Variants in FIGN observed in about 807,000 individuals in gnomAD.
FIGN encodes fidgetin, microtubule severing factor, also known as fidgetin.
A neutral mutation model predicts 51.3 loss-of-function variants in FIGN; 11 were observed. The ratio of observed to expected loss-of-function variants is 0.21; its 90% CI spans 0.13 to 0.35. The LOEUF (loss-of-function observed/expected upper bound fraction) is 0.35. Among genes scored for constraint, FIGN ranks in the 10% least tolerant of loss-of-function variants. The pLI is 1.00. For synonymous variants in FIGN, 407 were observed against 363.2 expected, an observed-to-expected ratio of 1.12 and a Z score of -1.37; for missense variants, 857 against 943.6, an observed-to-expected ratio of 0.91 and a Z score of 1.20.
At chr2:163,670,765 A>C (rs748977310) in intron 2 of FIGN, among the ~76,000 whole-genome samples, 6 of 152,206 alleles carry the variant, frequency 3.9e-5, no homozygotes, top group Admixed American at 6.5e-5. Flanking sequence ...TAATGAATGA[A>C]GTATTCTCAG....
intron 2 of FIGN, among the ~76,000 whole-genome samples, chr2:163,617,652 G>T (rs958021595): frequency 6.6e-6 from 1 of 152,094 alleles, no homozygotes; most frequent in African/African-American, 2.4e-5. Flanking sequence ...CATAAAGAAG[G>T]TTCAAGAATT....
chr2:163,658,180 A>G (rs927834733), intron 2 of FIGN, among the ~76,000 whole-genome samples: 1 of 152,142 alleles, frequency 6.6e-6, no homozygotes, highest in African/African-American at 2.4e-5. Flanking sequence ...TAGGCAAGTT[A>G]TTCTTCAAAA....
At chr2:163,719,899 A>G (rs1445483545) in intron 2 of FIGN, among the ~76,000 whole-genome samples, 1 of 152,172 alleles carries the variant, frequency 6.6e-6, no homozygotes, top group Non-Finnish European at 1.5e-5. Context: ...TTTAGCCTCT[A>G]TATGTTTTTA....
intron 2 of FIGN, among the ~76,000 whole-genome samples, chr2:163,648,082 T>C (rs974526029): frequency 6.6e-6 from 1 of 151,988 alleles, no homozygotes; most frequent in East Asian, 1.9e-4. Context: ...CTTAAATGAT[T>C]TGCAAGGTCA....
rs571522861 is a variant in FIGN at position 163,646,264 on chromosome 2, A to C, written c.26-34458T>G. Among the ~76,000 whole-genome samples, 4 of 152,246 alleles carry C rather than the reference A, an allele frequency of 2.6e-5. No individual in the cohort carries two copies. The East Asian group carries it at 7.7e-4, about 29-fold the overall frequency. On this transcript the variant is annotated intron_variant, in intron 2 of 2. Coordinates refer to ENST00000333129, the MANE Select transcript of FIGN (RefSeq NM_018086.4). ...CTATTGCATCCCTTTTTTTTTGTTAACTAAAAGTAAATTTACAAATTTACT... is the reference window on the plus strand; with the variant it reads ...CTATTGCATCCCTTTTTTTTTGTTACCTAAAAGTAAATTTACAAATTTACT...
At chr2:163,624,865 A>C (rs1213091247) in intron 2 of FIGN, among the ~76,000 whole-genome samples, 1 of 151,938 alleles carries the variant, frequency 6.6e-6, no homozygotes, top group African/African-American at 2.4e-5. Context: ...CTTAACAGCC[A>C]ATCTTTAGCG....
chr2:163,659,570 C>T (rs188564831), intron 2 of FIGN, among the ~76,000 whole-genome samples: 229 of 152,250 alleles, frequency 1.5e-3, no homozygotes, highest in Non-Finnish European at 2.5e-3. Flanking sequence ...AAATGAAACA[C>T]CATTTTGGGG....
At chr2:163,662,350 T>C (rs1049275607) in intron 2 of FIGN, among the ~76,000 whole-genome samples, 1 of 152,198 alleles carries the variant, frequency 6.6e-6, no homozygotes, top group Non-Finnish European at 1.5e-5. Flanking sequence ...AGAAGGTGAC[T>C]TGGCTGCTGT....
chr2:163,735,644 T>G (rs1269834193), intron 1 of FIGN, among the ~76,000 whole-genome samples, 194 bp downstream of exon 1: 3 of 152,244 alleles, frequency 2.0e-5, no homozygotes, highest in Non-Finnish European at 2.9e-5. Context: ...TTATAATGTT[T>G]CAGGGCTACT....
intron 2 of FIGN, among the ~76,000 whole-genome samples, chr2:163,727,279 G>A (rs1021189135): frequency 2.0e-4 from 31 of 151,756 alleles, no homozygotes; most frequent in Admixed American, 3.3e-4. Flanking sequence ...ATGAGTCCCC[G>A]TTGAAATTAT....
chr2:163,717,536 A>T (rs574909995), intron 2 of FIGN, among the ~76,000 whole-genome samples: 103 of 152,114 alleles, frequency 6.8e-4, no homozygotes, highest in Middle Eastern at 3.4e-3. Context: ...TAATTTTTTT[A>T]AAAAAATTTA....
rs191906857 is a variant in FIGN, at chr2:163,611,088, C to T, written c.744G>A (p.Pro248=). Residue 248 remains proline, a synonymous_variant, in exon 3 of 3, where the codon CCG becomes CCA. Coordinates refer to ENST00000333129, the MANE Select transcript of FIGN (RefSeq NM_018086.4). ...GTSNLSSYSY[P]SASYPPQTAV... is the part of the protein sequence containing the mutation. ...CAGTCTGAGGAGGATAGCTAGCAGA[C>T]GGATAGCTGTAACTGGAGAGGTTAG... 5.5e-5 allele frequency: 88 copies of T among 1,614,026 alleles called. No homozygotes were observed. The East Asian group carries it at 5.8e-4, about 11-fold the overall frequency.
intron 2 of FIGN, among the ~76,000 whole-genome samples, chr2:163,653,690 TG>T (rs1383338365): frequency 6.6e-6 from 1 of 152,128 alleles, no homozygotes; most frequent in African/African-American, 2.4e-5. Flanking sequence ...AAAATATTTA[TG>T]TGATCTTAAT....
At chr2:163,627,969 A>C (rs1233048298) in intron 2 of FIGN, among the ~76,000 whole-genome samples, 6 of 152,198 alleles carry the variant, frequency 3.9e-5, no homozygotes. Context: ...AATATATTGT[A>C]AGTCTCAAAA....
chr2:163,648,529 G>A (rs1683418685), intron 2 of FIGN, among the ~76,000 whole-genome samples: 1 of 152,176 alleles, frequency 6.6e-6, no homozygotes, highest in African/African-American at 2.4e-5. Flanking sequence ...ATTTGCCTGT[G>A]TCTGTAAACC....
chr2:163,687,012 T>TACACACACAC (rs547589971), intron 2 of FIGN, among the ~76,000 whole-genome samples: 1 of 147,694 alleles, frequency 6.8e-6, no homozygotes, highest in East Asian at 2.0e-4. Context: ...TGAGATTGTG[T>TACACACACAC]ACACACACAC....
intron 2 of FIGN, chr2:163,612,695 T>G: frequency 5.1e-6 from 2 of 393,608 alleles, no homozygotes; most frequent in African/African-American, 4.5e-5. Flanking sequence ...GGGGAGAATG[T>G]GTGTGTGTGT....
chr2:163,683,764 T>C (rs1156924296), intron 2 of FIGN, among the ~76,000 whole-genome samples: 1 of 152,196 alleles, frequency 6.6e-6, no homozygotes, highest in Non-Finnish European at 1.5e-5. Context: ...GTAATTCTAA[T>C]GTGCGGCCAA....
chr2:163,651,038 A>T (rs1283137364), intron 2 of FIGN, among the ~76,000 whole-genome samples: 1 of 152,206 alleles, frequency 6.6e-6, no homozygotes, highest in Non-Finnish European at 1.5e-5. Context: ...CAGAAACACA[A>T]CAAAAAATGT....
Sources: allele counts gnomAD v4.1 joint callset (sites outside exome capture counted in the v4.1 genomes callset), GRCh38; gene constraint gnomAD v4.1.1; transcripts MANE v1.5; gene names NCBI Gene and HGNC (gene_info 2026-07-23, HGNC 2026-07-21).